Variants in PIAS1 observed in about 807,000 individuals in gnomAD.
PIAS1 encodes the protein protein inhibitor of activated STAT 1, also known as E3 SUMO-protein ligase PIAS1.
In PIAS1, 6 loss-of-function variants were observed where a neutral mutation model predicts 71.3. The ratio of observed to expected loss-of-function variants is 0.08; its 90% CI spans 0.05 to 0.17. PIAS1 has a LOEUF of 0.17. Ranked by LOEUF, PIAS1 falls within the 10% of genes least tolerant of loss-of-function variation. PIAS1 has a pLI of 1.00. For missense variants in PIAS1, 555 were observed against 793.6 expected (o/e 0.70, Z 3.61); for synonymous variants, 303 against 292.9 (o/e 1.03, Z -0.35).
chr15:68,110,349 CT>C (rs1456873917), intron 2 of PIAS1, among the ~76,000 whole-genome samples: 3 of 152,178 alleles, frequency 2.0e-5, no homozygotes, highest in African/African-American at 7.2e-5. Flanking sequence ...AATCCCAGCA[CT>C]TTGGGAGGCC....
intron 2 of PIAS1, among the ~76,000 whole-genome samples, chr15:68,088,900 C>T (rs1405347220): frequency 6.6e-6 from 1 of 152,038 alleles, no homozygotes; most frequent in Non-Finnish European, 1.5e-5. Context: ...CTAAGAAAAC[C>T]ACGTTTTCTG....
intron 6 of PIAS1, among the ~76,000 whole-genome samples, chr15:68,151,733 A>G (rs1303114537): frequency 1.3e-5 from 2 of 149,640 alleles, no homozygotes; most frequent in Non-Finnish European, 3.0e-5. Context: ...GGTGGTGCAC[A>G]CTTGTAGTCC....
chr15:68,092,645 A>G (rs370963840), intron 2 of PIAS1, among the ~76,000 whole-genome samples: 25 of 152,324 alleles, frequency 1.6e-4, no homozygotes, highest in Middle Eastern at 3.4e-3. Flanking sequence ...TGATTAGGTA[A>G]TGAGGGCGTG....
intron 1 of PIAS1, among the ~76,000 whole-genome samples, chr15:68,085,969 A>G (rs186494313): frequency 1.3e-5 from 2 of 152,178 alleles, no homozygotes; most frequent in Admixed American, 6.5e-5. Context: ...AGCACTCGAC[A>G]TTCTCCTGGA....
In PIAS1 at chr15:68,193,688, G is replaced by A. The variant is rs1450386851; in HGVS notation, c.*5853G>A. ...AGCTTGTGTGGGGGGGCTTTGAGGA[G>A]TGAAATGATTTGCCCAAAGTCACAG... On this transcript the variant is annotated 3_prime_UTR_variant, in exon 14 of 14. Transcript: ENST00000249636. The A allele has an allele frequency of 3.8e-6, 1 of 261,814 alleles. No individual in the cohort carries two copies. The highest frequency in any genetic ancestry group is 8.3e-5 in the East Asian group (1 of 11,978). 16.2% of individuals were successfully genotyped at this position (261,814 alleles called of 1,614,324 possible).
At chr15:68,078,948 A>G (rs2092198848) in intron 1 of PIAS1, among the ~76,000 whole-genome samples, 1 of 152,212 alleles carries the variant, frequency 6.6e-6, no homozygotes, top group African/African-American at 2.4e-5. Flanking sequence ...CCAACTGTAG[A>G]AGAGTAGAAG....
Position 68,054,788 on chromosome 15 carries a change from T to A in PIAS1, c.24+438T>A, listed in dbSNP as rs2091877608. On this transcript the variant is annotated intron_variant, in intron 1 of 13. Transcript: ENST00000249636. The surrounding 1 kb of genome is among the most constrained non-coding windows in gnomAD (Gnocchi z 4.6). ...CTCTTCCTCCTTTGCAGTCCCGGGC[T>A]CCTGTCAGGCGCTCTTCTCAGACCC... 6.5e-6 allele frequency: 1 copy of A among 154,464 alleles called. No individual in the cohort carries two copies. The highest frequency in any genetic ancestry group is 1.4e-5 in the Non-Finnish European group (1 of 69,558). 9.6% of individuals were successfully genotyped at this position (154,464 alleles called of 1,614,324 possible).
chr15:68,072,513 A>G (rs886633646), intron 1 of PIAS1, among the ~76,000 whole-genome samples: 4 of 151,720 alleles, frequency 2.6e-5, no homozygotes, highest in South Asian at 2.1e-4. Context: ...GTTGAATGCT[A>G]TAAAGGAAAG....
At chr15:68,181,847 T>C (rs899559311) in intron 12 of PIAS1, 6 of 155,080 alleles carry the variant, frequency 3.9e-5, no homozygotes, top group African/African-American at 1.4e-4. Context: ...ACCAGGCTAA[T>C]GTTTTATATT....
At chr15:68,144,108 TC>T (rs745664235) in intron 4 of PIAS1, among the ~76,000 whole-genome samples, 33 of 144,300 alleles carry the variant, frequency 2.3e-4, no homozygotes, top group Non-Finnish European at 3.3e-4. Flanking sequence ...GAAATGTATC[TC>T]CAGGACTTGG....
intron 7 of PIAS1, among the ~76,000 whole-genome samples, chr15:68,159,492 A>T (rs559216841): frequency 6.6e-6 from 1 of 152,194 alleles, no homozygotes; most frequent in Admixed American, 6.5e-5. Context: ...ATTCCATCCC[A>T]TCCTTTTACC....
At chr15:68,104,985 C>T (rs1281413751) in intron 2 of PIAS1, among the ~76,000 whole-genome samples, 3 of 152,100 alleles carry the variant, frequency 2.0e-5, no homozygotes, top group African/African-American at 7.2e-5. Flanking sequence ...TTTGAGAGGA[C>T]TATAGTGTAT....
At chr15:68,059,258 C>T (rs946251580) in intron 1 of PIAS1, among the ~76,000 whole-genome samples, 1 of 151,972 alleles carries the variant, frequency 6.6e-6, no homozygotes, top group African/African-American at 2.4e-5. Context: ...TTGCCCGTCT[C>T]GGCCTCCCAA....
At chr15:68,107,676 A>G (rs2092483706) in intron 2 of PIAS1, among the ~76,000 whole-genome samples, 1 of 152,188 alleles carries the variant, frequency 6.6e-6, no homozygotes, top group African/African-American at 2.4e-5. Flanking sequence ...ACTATATCTA[A>G]GAGCAATTAT....
At chr15:68,104,992 G>A (rs1051559049) in intron 2 of PIAS1, among the ~76,000 whole-genome samples, 1 of 152,154 alleles carries the variant, frequency 6.6e-6, no homozygotes, top group Admixed American at 6.5e-5. Context: ...GGACTATAGT[G>A]TATAGCTAAG....
chr15:68,181,311 T>C lies in PIAS1; in HGVS notation c.1581T>C (p.Tyr527=), dbSNP rs1465442119. ...SYINTSLIQD[Y]RHPFHMTPMP... The stretch of plus-strand genomic sequence containing the variant: ...TTAATACCTCCCTCATCCAAGACTA[T>C]AGGCATCCTTTCCACATGACACCCA... Residue 527 remains tyrosine, a synonymous_variant, in exon 12 of 14, where the codon TAT becomes TAC. Coordinates refer to ENST00000249636, the MANE Select transcript of PIAS1 (RefSeq NM_016166.3). 2 of 1,613,774 alleles carry C rather than the reference T, an allele frequency of 1.2e-6. No homozygotes were observed. The highest frequency in any genetic ancestry group is 1.3e-5 in the African/African-American group (1 of 75,044).
rs869104577 is a variant in PIAS1 at position 68,065,915 on chromosome 15, C to CTTTTTTTTTTT, written c.24+11583_24+11593dup. ...GCCACCATGCTCAGCTGACTAAAAG[C>CTTTTTTTTTTT]TTTTTTTTTTTTTTTTTTTTTTTTT... On this transcript the variant is annotated intron_variant, in intron 1 of 13. Transcript: ENST00000249636. Among the ~76,000 whole-genome samples the CTTTTTTTTTTT allele has an allele frequency of 2.8e-3, 112 of 40,172 alleles. 29 individuals are homozygous for CTTTTTTTTTTT. The highest frequency in any genetic ancestry group is 0.036 in the Middle Eastern group (1 of 28). The allele number at this position is 40,172 out of a possible 152,430, so 26.4% of individuals were successfully genotyped here.
chr15:68,055,469 A>G (rs902789558), intron 1 of PIAS1, among the ~76,000 whole-genome samples: 2 of 152,048 alleles, frequency 1.3e-5, no homozygotes, highest in East Asian at 3.9e-4. Context: ...ACCGTAGCAG[A>G]TATACCACTA....
chr15:68,064,283 T>C (rs1210106994), intron 1 of PIAS1, among the ~76,000 whole-genome samples: 1 of 152,140 alleles, frequency 6.6e-6, no homozygotes, highest in Non-Finnish European at 1.5e-5. Flanking sequence ...CAAATGAAAA[T>C]AGAACTTTGG....
Sources: allele counts gnomAD v4.1 joint callset (sites outside exome capture counted in the v4.1 genomes callset), GRCh38; gene constraint gnomAD v4.1.1; non-coding constraint Gnocchi (gnomAD v3.1); transcripts MANE v1.5; gene names NCBI Gene and HGNC (gene_info 2026-07-23, HGNC 2026-07-21).